PNPLA7: variants seen among roughly 807,000 people sequenced by gnomAD.
PNPLA7 encodes patatin-like phospholipase domain-containing protein 7.
In PNPLA7, 153 loss-of-function variants were observed where a neutral mutation model predicts 161.7. The observed-to-expected ratio is 0.95, with a 90% CI of 0.83 to 1.08. The LOEUF (loss-of-function observed/expected upper bound fraction) is 1.08, where lower values mean the gene tolerates loss of function less well. Among genes scored for constraint, PNPLA7 ranks in the 50% least tolerant of loss-of-function variants. The pLI, the probability that PNPLA7 is intolerant of heterozygous loss-of-function variation, is 0.00. For missense variants in PNPLA7, 1,739 were observed against 1,856.6 expected (o/e 0.94, Z 1.16); for synonymous variants, 809 against 782.1 (o/e 1.03, Z -0.57).
chr9:137,469,343 GTA>G (rs763001055), intron 25 of PNPLA7, among the ~76,000 whole-genome samples: 37 of 152,332 alleles, frequency 2.4e-4, no homozygotes, highest in Non-Finnish European at 3.8e-4. Flanking sequence ...AAACTCTAAT[GTA>G]TGTGTGATCA....
In PNPLA7 at chr9:137,464,138, C is replaced by A; in HGVS notation, c.3214G>T (p.Val1072Phe). The change falls in exon 28 of 35, where the codon GTC (valine) becomes TTC (phenylalanine). Residue 1072 changes from valine to phenylalanine, a missense_variant. Transcript: ENST00000406427. Reference protein sequence around the residue: ...TTDITASAMRVHTDGSLWWYV... With the variant: ...TTDITASAMRFHTDGSLWWYV... ...CAGGAGTGCTCACCGTCGGTGTGGA[C>A]CCGCATGGCCGAGGCTGTGATGTCG... is the stretch of plus-strand genomic sequence containing the variant. 6.2e-7 allele frequency: 1 copy of A among 1,613,624 alleles called. No individual in the cohort carries two copies. Among genetic ancestry groups the A allele is most frequent in the Non-Finnish European group, 8.5e-7 (1 of 1,179,908 alleles).
intron 25 of PNPLA7, among the ~76,000 whole-genome samples, chr9:137,472,089 T>C (rs1411949074): frequency 1.5e-5 from 2 of 137,890 alleles, no homozygotes; most frequent in African/African-American, 5.4e-5. Flanking sequence ...GCACTAAGGA[T>C]AGAGAAACAC....
chr9:137,460,509 C>T (rs1245366265), intron 34 of PNPLA7, 33 bp from the exon 35 acceptor site: 3 of 1,609,716 alleles, frequency 1.9e-6, no homozygotes, highest in Non-Finnish European at 2.5e-6. Flanking sequence ...AGGTGAGGAC[C>T]AGGCAGGGCA....
chr9:137,465,210 G>A (rs555494415), intron 26 of PNPLA7, among the ~76,000 whole-genome samples: 5 of 152,260 alleles, frequency 3.3e-5, no homozygotes, highest in Non-Finnish European at 7.4e-5. Flanking sequence ...AGGAGACCCC[G>A]GTCCTTCCCT....
intron 11 of PNPLA7, among the ~76,000 whole-genome samples, chr9:137,515,814 C>T (rs1457091138): frequency 1.1e-5 from 1 of 91,504 alleles, no homozygotes; most frequent in Admixed American, 1.0e-4. Context: ...TCCCCCCTCC[C>T]CCCTCAATCC....
intron 14 of PNPLA7, among the ~76,000 whole-genome samples, chr9:137,502,427 C>T (rs1224059588): frequency 2.6e-5 from 4 of 150,976 alleles, no homozygotes; most frequent in Admixed American, 6.6e-5. Context: ...AAGGCAGCTC[C>T]CCCCCAAAAG....
At chr9:137,527,690 G>A (rs1344763226) in intron 8 of PNPLA7, among the ~76,000 whole-genome samples, 1 of 152,190 alleles carries the variant, frequency 6.6e-6, no homozygotes, top group African/African-American at 2.4e-5. Context: ...TTCTAATGAT[G>A]AGTGACTGGT....
chr9:137,460,732 A>T lies in PNPLA7; in HGVS notation c.3847T>A (p.Ser1283Thr). ...TCCTCGTACTCCGTCTGGTAGTCAG[A>T]TTCGTCTGGCACCGAGGGTAGGGCT... ...PAKPAMVDDE[S>T]DYQTEYEEEL... is the part of the protein sequence containing the mutation. The change falls in exon 34 of 35, where the codon TCT becomes ACT. Residue 1283 changes from serine (S) to threonine (T), a missense_variant. Ser to Thr is a moderately conservative substitution (Grantham distance 58). Transcript: ENST00000406427. 2 of 1,612,524 alleles carry T rather than the reference A, an allele frequency of 1.2e-6. No homozygotes were observed. The highest frequency in any genetic ancestry group is 1.7e-6 in the Non-Finnish European group (2 of 1,179,750).
intron 1 of PNPLA7, among the ~76,000 whole-genome samples, chr9:137,549,047 G>T (rs775818792): frequency 6.6e-6 from 1 of 152,246 alleles, no homozygotes; most frequent in Non-Finnish European, 1.5e-5. Flanking sequence ...CCTATCACGC[G>T]ATGGCCCGTG....
intron 25 of PNPLA7, among the ~76,000 whole-genome samples, chr9:137,469,790 T>C (rs1831632695): frequency 6.6e-6 from 1 of 152,094 alleles, no homozygotes; most frequent in Non-Finnish European, 1.5e-5. Flanking sequence ...ACAGCCCGGG[T>C]GAAGCCGATC....
At chr9:137,510,868 T>C (rs891340119) in intron 12 of PNPLA7, among the ~76,000 whole-genome samples, 31 of 152,214 alleles carry the variant, frequency 2.0e-4, no homozygotes, top group Admixed American at 7.2e-4. Context: ...GCTGTTCCAA[T>C]ATAATCAAGA....
chr9:137,521,503 A>G (rs1334040837), intron 10 of PNPLA7, 133 bp downstream of exon 10: 1 of 804,980 alleles, frequency 1.2e-6, no homozygotes, highest in African/African-American at 1.8e-5. Context: ...CCTAATGACC[A>G]GCAACTGGGA....
At position 137,515,537 on chromosome 9, in the gene PNPLA7, G is replaced by A. The variant is rs780681723; in HGVS notation, c.1085-18C>T. ...CCCGTGATCTGCTGGGGAGGCAGCC[G>A]TAAGCAACCTTGTTTGCACGCACTC... On this transcript the variant is annotated intron_variant, in intron 11 of 34. Coordinates refer to ENST00000406427, the MANE Select transcript of PNPLA7 (RefSeq NM_001098537.3). The A allele has an allele frequency of 1.5e-5, 23 of 1,523,182 alleles. No homozygotes were observed. The highest frequency in any genetic ancestry group is 2.6e-5 in the South Asian group (2 of 77,634). The allele number at this position is 1,523,182 out of a possible 1,614,324, so 94.4% of individuals were successfully genotyped here. A position where few individuals can be genotyped will look rare whatever the true frequency, so the allele number is the denominator to read the frequency against.
intron 20 of PNPLA7, among the ~76,000 whole-genome samples, chr9:137,488,657 T>C (rs1478568482): frequency 1.3e-5 from 2 of 151,846 alleles, no homozygotes; most frequent in Non-Finnish European, 2.9e-5. Context: ...TGTCCCTCCC[T>C]CCCCATGGGA....
chr9:137,460,693 C>T lies in PNPLA7; in HGVS notation c.3886G>A (p.Val1296Ile), dbSNP rs534765274. The stretch of plus-strand genomic sequence containing the variant: ...AAGTCTGCGTATGCATCCCTGGGGA[C>T]GTCCAGCAGCTCCTCCTCGTACTCC... ...QTEYEEELLD[V>I]PRDAYADFQS... is the part of the protein sequence containing the mutation. The change falls in exon 34 of 35, where the codon GTC (valine) becomes ATC (isoleucine). Residue 1296 changes from valine (V) to isoleucine (I), a missense_variant. Transcript: ENST00000406427. 1.6e-5 allele frequency: 25 copies of T among 1,612,838 alleles called. No individual in the cohort carries two copies. The highest frequency in any genetic ancestry group is 1.7e-4 in the Middle Eastern group (1 of 6,058).
chr9:137,510,136 CAGCGGT>C (rs1834140210), intron 12 of PNPLA7, among the ~76,000 whole-genome samples: 1 of 152,142 alleles, frequency 6.6e-6, no homozygotes, highest in South Asian at 2.1e-4. Context: ...GATCATGGTC[CAGCGGT>C]AGCAAAAGGT....
rs1229396712 is a variant in PNPLA7, at chr9:137,461,901, G to C, written c.3756+30C>G. The stretch of plus-strand genomic sequence containing the variant: ...CGAAGAACTGGGCGCGGTCCGGGGA[G>C]CTGGGCGTGGTCCGGACGCCCGTAC... On this transcript the variant is annotated intron_variant, in intron 32 of 34. Transcript: ENST00000406427. The C allele has an allele frequency of 3.3e-6, 5 of 1,518,432 alleles. No individual in the cohort carries two copies. In the South Asian group the frequency reaches 6.2e-5, roughly 19 times the overall value. 94.1% of individuals were successfully genotyped at this position (1,518,432 alleles called of 1,614,324 possible).
At chr9:137,518,303 C>T (rs1169953571) in intron 11 of PNPLA7, among the ~76,000 whole-genome samples, 3 of 132,962 alleles carry the variant, frequency 2.3e-5, no homozygotes, top group Admixed American at 7.1e-5. Context: ...TCACTGACTC[C>T]ACTCTGTCCA....
chr9:137,473,031 G>A (rs1349671399), intron 25 of PNPLA7, among the ~76,000 whole-genome samples: 1 of 152,164 alleles, frequency 6.6e-6, no homozygotes, highest in African/African-American at 2.4e-5. Flanking sequence ...GGTGGAAGGT[G>A]AAGGAGGAGC....
Sources: gnomAD v4.1 joint callset for allele counts (sites outside exome capture counted in the v4.1 genomes callset) on GRCh38, gnomAD v4.1.1 for gene constraint, MANE v1.5 for transcripts, NCBI Gene and HGNC (gene_info 2026-07-23, HGNC 2026-07-21) for gene names.